The following ATP2A1 variants were observed in gnomAD, a reference collection of about 807,000 sequenced individuals.
ATP2A1 encodes sarcoplasmic/endoplasmic reticulum calcium ATPase 1.
Under a neutral mutation model 109.5 loss-of-function variants are expected in ATP2A1, and 83 were observed. The ratio of observed to expected loss-of-function variants is 0.76; its 90% CI spans 0.63 to 0.91. ATP2A1 has a LOEUF of 0.91. Ranked by LOEUF, ATP2A1 falls within the 40% of genes least tolerant of loss-of-function variation. The pLI, the probability that ATP2A1 is intolerant of heterozygous loss-of-function variation, is 0.00. For missense variants in ATP2A1, 1,101 were observed against 1,341.0 expected (o/e 0.82, Z 2.80); for synonymous variants, 505 against 537.6 (o/e 0.94, Z 0.84).
chr16:28,879,224 C>A, intron 2 of ATP2A1, 108 bp downstream of exon 2: 1 of 1,400,842 alleles, frequency 7.1e-7, no homozygotes, highest in Non-Finnish European at 1.0e-6. Flanking sequence ...TATCCCTTCC[C>A]AAAAGGCAAA....
chr16:28,903,115 C>T lies in ATP2A1; in HGVS notation c.2830C>T (p.His944Tyr). ...LGSICLSMSL[H>Y]FLILYVDPLP... ...CTCCATCTGCCTCTCCATGTCCCTG[C>T]ACTTCCTCATCCTCTATGTTGACCC... is the stretch of plus-strand genomic sequence containing the variant. Residue 944 changes from histidine to tyrosine, a missense_variant, in exon 20 of 23, where the codon CAC becomes TAC. Physicochemically the swap from His to Tyr is moderately conservative, Grantham distance 83 (BLOSUM62 2). Transcript: ENST00000395503. The surrounding 1 kb of genome is among the most constrained non-coding windows in gnomAD (Gnocchi z 5.6). 6.2e-7 allele frequency: 1 copy of T among 1,613,814 alleles called. No homozygotes were observed. Among genetic ancestry groups the T allele is most frequent in the East Asian group, 2.2e-5 (1 of 44,878 alleles).
chr16:28,879,494 C>T lies in ATP2A1; in HGVS notation c.137-7C>T, dbSNP rs751731229. On this transcript the variant is annotated splice_region_variant and splice_polypyrimidine_tract_variant and intron_variant, in intron 2 of 22. Coordinates refer to ENST00000395503, the MANE Select transcript of ATP2A1 (RefSeq NM_004320.6). Reference sequence around the variant, plus strand: ...ACCCGGGGCCCTCCCCTTGCCTCCTCCCCCAGGGAAGACCCTGTGGGAGCT... The same window carrying T: ...ACCCGGGGCCCTCCCCTTGCCTCCTTCCCCAGGGAAGACCCTGTGGGAGCT... 1.1e-5 allele frequency: 17 copies of T among 1,613,694 alleles called. No homozygotes were observed. The East Asian group carries it at 3.3e-4, about 32-fold the overall frequency.
Position 28,898,402 on chromosome 16 carries a change from A to G in ATP2A1, c.1715A>G (p.Lys572Arg). 3.7e-6 allele frequency: 6 copies of G among 1,614,180 alleles called. No homozygotes were observed. The highest frequency in any genetic ancestry group is 4.2e-6 in the Non-Finnish European group (5 of 1,180,024). ...CTGGCCACCCGGGACACCCCCCCGA[A>G]GCGAGAGGAAATGGTCCTGGATGAC... ...LALATRDTPP[K>R]REEMVLDDSA... Residue 572 changes from lysine to arginine, a missense_variant, in exon 14 of 23, where the codon AAG (lysine) becomes AGG (arginine). Lys to Arg is a conservative substitution (Grantham distance 26). Transcript: ENST00000395503. The surrounding 1 kb of genome is among the most constrained non-coding windows in gnomAD (Gnocchi z 4.0).
At chr16:28,879,815 A>C (rs1304432658) in intron 3 of ATP2A1, 2 of 646,672 alleles carry the variant, frequency 3.1e-6, no homozygotes, top group Non-Finnish European at 2.6e-6. Flanking sequence ...CAAAACACCG[A>C]AGCTAAGCCA....
intron 3 of ATP2A1, 143 bp downstream of exon 3, chr16:28,879,726 G>T: frequency 1.0e-6 from 1 of 989,216 alleles, no homozygotes; most frequent in Non-Finnish European, 1.5e-6. Flanking sequence ...CGCAGCAGCG[G>T]GTGTGATTCG....
rs773425086 is a variant in ATP2A1, at chr16:28,903,400, C to T, written c.2940C>T (p.Leu980=). The T allele has an allele frequency of 1.6e-5, 26 of 1,613,996 alleles. No homozygotes were observed. Among genetic ancestry groups the T allele is most frequent in the South Asian group, 2.2e-5 (2 of 91,086 alleles). ...VLKISLPVIG[L]DEILKFVARN... Reference sequence around the variant, plus strand: ...AGATCTCACTGCCAGTCATTGGGCTCGACGAAATCCTCAAGTTCGTTGCTC... The same window carrying T: ...AGATCTCACTGCCAGTCATTGGGCTTGACGAAATCCTCAAGTTCGTTGCTC... Residue 980 remains leucine (L), a synonymous_variant, in exon 21 of 23, where the codon CTC becomes CTT. Transcript: ENST00000395503. The surrounding 1 kb of genome is among the most constrained non-coding windows in gnomAD (Gnocchi z 5.6).
chr16:28,894,398 T>G (rs1963860121), intron 10 of ATP2A1, 107 bp from the exon 11 acceptor site: 2 of 1,308,892 alleles, frequency 1.5e-6, no homozygotes, highest in Non-Finnish European at 2.2e-6. Flanking sequence ...CTCTCCCCAC[T>G]GTCCTTCCTT....
At chr16:28,899,982 C>CA (rs145297469) in intron 14 of ATP2A1, among the ~76,000 whole-genome samples, 39,181 of 131,526 alleles carry the variant, frequency 0.3, 6,075 homozygotes, top group South Asian at 0.67. Flanking sequence ...AAAACAAAAA[C>CA]AAAAACAAAA....
intron 9 of ATP2A1, among the ~76,000 whole-genome samples, chr16:28,889,491 C>A (rs1567484059): frequency 6.6e-6 from 1 of 152,158 alleles, no homozygotes; most frequent in Non-Finnish European, 1.5e-5. Context: ...CTCCTGGCCT[C>A]AAGTGATGTG....
In ATP2A1 at chr16:28,880,862, C is replaced by T. The variant is rs1963450645; in HGVS notation, c.220-53C>T. 2 of 1,518,690 alleles carry T rather than the reference C, an allele frequency of 1.3e-6. No homozygotes were observed. Among genetic ancestry groups the T allele is most frequent in the Non-Finnish European group, 1.8e-6 (2 of 1,093,330 alleles). 94.1% of individuals were successfully genotyped at this position (1,518,690 alleles called of 1,614,324 possible). On this transcript the variant is annotated intron_variant, in intron 3 of 22. Transcript: ENST00000395503. This position sits in a 1 kb window ranked among gnomAD's most constrained non-coding sequence, Gnocchi z 4.2. ...CTTTGCAGTGGTCCACTTCCTTTCT[C>T]CATCTGTTTTGGGGCCTCATTACCT...
At chr16:28,886,976 G>C (rs539387855) in intron 6 of ATP2A1, among the ~76,000 whole-genome samples, 136 of 142,974 alleles carry the variant, frequency 9.5e-4, no homozygotes, top group African/African-American at 3.4e-3. Context: ...TGGGTGACAA[G>C]ACTGCAACTC....
At chr16:28,887,349 A>G (rs1177997181) in intron 7 of ATP2A1, 75 bp downstream of exon 7, 1 of 1,612,412 alleles carries the variant, frequency 6.2e-7, no homozygotes, top group African/African-American at 1.3e-5. Context: ...ATGGCGTGTG[A>G]GAAGAGATGG....
chr16:28,899,257 C>G (rs950999091), intron 14 of ATP2A1, among the ~76,000 whole-genome samples: 11 of 152,214 alleles, frequency 7.2e-5, no homozygotes, highest in African/African-American at 2.4e-4. Flanking sequence ...TCATTTTGTA[C>G]AGAGGATTTC....
chr16:28,882,096 C>T (rs899543290), intron 4 of ATP2A1, among the ~76,000 whole-genome samples: 1 of 143,492 alleles, frequency 7.0e-6, no homozygotes, highest in African/African-American at 2.7e-5. Context: ...GCTACTACGC[C>T]CGGCTTTTTT....
intron 14 of ATP2A1, among the ~76,000 whole-genome samples, chr16:28,900,171 C>A (rs1964031484): frequency 6.6e-6 from 1 of 151,548 alleles, no homozygotes; most frequent in African/African-American, 2.4e-5. Context: ...CATGTTGGTG[C>A]ATGCCTGTAG....
At position 28,900,051 on chromosome 16, in the gene ATP2A1, T is replaced by C. The variant is rs79430326; in HGVS notation, c.1765-530T>C. Among the ~76,000 whole-genome samples the C allele has an allele frequency of 8.4e-3, 1,263 of 150,746 alleles. 139 individuals carry two copies. In the East Asian group the frequency reaches 0.22, roughly 26 times the overall value. On this transcript the variant is annotated intron_variant, in intron 14 of 22. Coordinates refer to ENST00000395503, the MANE Select transcript of ATP2A1 (RefSeq NM_004320.6). ...AGCTTATGCCTGTAATCGCAGCACA[T>C]TGGGAGGCCGAGGCTGGAGGATCTG...
intron 6 of ATP2A1, among the ~76,000 whole-genome samples, chr16:28,885,249 CAAAAA>C (rs560935121): frequency 8.2e-6 from 1 of 122,336 alleles, no homozygotes; most frequent in Non-Finnish European, 1.7e-5. Flanking sequence ...GACCCCATCT[CAAAAA>C]AAAAAAAAAA....
intron 3 of ATP2A1, chr16:28,879,814 G>A: frequency 1.5e-6 from 1 of 653,606 alleles, no homozygotes; most frequent in South Asian, 1.9e-5. Flanking sequence ...CCAAAACACC[G>A]AAGCTAAGCC....
At position 28,888,833 on chromosome 16, in the gene ATP2A1, G is replaced by C. The variant is rs547568140; in HGVS notation, c.975G>C (p.Arg325=). The part of the protein sequence containing the change: ...ITTCLALGTR[R]MAKKNAIVRS... ...CCTGCCTGGCCCTGGGTACCCGTCG[G>C]ATGGCAAAGAAGAATGCCATTGTAA... The change falls in exon 9 of 23, where the codon CGG becomes CGC. Residue 325 remains arginine, a synonymous_variant. Transcript: ENST00000395503. The C allele has an allele frequency of 1.9e-6, 3 of 1,614,118 alleles. No homozygotes were observed. Among genetic ancestry groups the C allele is most frequent in the Middle Eastern group, 1.6e-4 (1 of 6,062 alleles).
Sources: allele counts gnomAD v4.1 joint callset (sites outside exome capture counted in the v4.1 genomes callset), GRCh38; gene constraint gnomAD v4.1.1; non-coding constraint Gnocchi (gnomAD v3.1); transcripts MANE v1.5; gene names NCBI Gene and HGNC (gene_info 2026-07-23, HGNC 2026-07-21).